The following PRDM5 variants were observed in gnomAD, a reference collection of about 807,000 sequenced individuals.
PRDM5 encodes PR/SET domain 5, also known as PR domain zinc finger protein 5.
Under a neutral mutation model 81.2 loss-of-function variants are expected in PRDM5, and 56 were observed. That is an observed-to-expected ratio of 0.69 (90% confidence interval 0.56 to 0.86). PRDM5 has a LOEUF of 0.86. Ranked by LOEUF, PRDM5 falls within the 40% of genes least tolerant of loss-of-function variation. The pLI is 0.00. For synonymous variants in PRDM5, 267 were observed against 256.4 expected (o/e 1.04, Z -0.39); for missense variants, 697 against 770.1 (o/e 0.91, Z 1.12).
At chr4:120,699,905 C>T (rs542251963) in intron 15 of PRDM5, among the ~76,000 whole-genome samples, 1 of 146,866 alleles carries the variant, frequency 6.8e-6, no homozygotes, top group African/African-American at 2.5e-5. Flanking sequence ...TCATTTTCCA[C>T]AGAACTAGAA....
intron 3 of PRDM5, among the ~76,000 whole-genome samples, chr4:120,827,164 T>C (rs185879133): frequency 3.3e-5 from 5 of 152,114 alleles, no homozygotes; most frequent in African/African-American, 9.6e-5. Context: ...AAGAAGAGAG[T>C]AGAATTTTGC....
At chr4:120,768,429 G>A (rs986341006) in intron 13 of PRDM5, among the ~76,000 whole-genome samples, 2 of 152,052 alleles carry the variant, frequency 1.3e-5, no homozygotes, top group Non-Finnish European at 2.9e-5. Flanking sequence ...TTGAGAGAAC[G>A]TTCCTCTTTC....
At chr4:120,882,305 A>C (rs1241188036) in intron 2 of PRDM5, among the ~76,000 whole-genome samples, 1 of 151,912 alleles carries the variant, frequency 6.6e-6, no homozygotes, top group East Asian at 1.9e-4. Context: ...CTGCCACCAC[A>C]CCCAGCTAAT....
At chr4:120,861,791 C>T (rs1383626764) in intron 2 of PRDM5, among the ~76,000 whole-genome samples, 2 of 149,122 alleles carry the variant, frequency 1.3e-5, no homozygotes, top group East Asian at 2.0e-4. Flanking sequence ...AGCAAGACTC[C>T]GTCTCAAAAA....
At chr4:120,688,251 G>C (rs1733907716), downstream of PRDM5, among the ~76,000 whole-genome samples, 1 of 145,714 alleles carries the variant, frequency 6.9e-6, no homozygotes, top group Non-Finnish European at 1.6e-5. Context: ...ACATGTTTTT[G>C]TATGCTTTTT....
At chr4:120,759,310 T>A (rs762251958) in intron 13 of PRDM5, among the ~76,000 whole-genome samples, 1 of 152,232 alleles carries the variant, frequency 6.6e-6, no homozygotes, top group Non-Finnish European at 1.5e-5. Flanking sequence ...AGCAATTTAT[T>A]TGAAAACTAT....
At chr4:120,900,476 T>G (rs1178035128) in intron 2 of PRDM5, among the ~76,000 whole-genome samples, 1 of 152,174 alleles carries the variant, frequency 6.6e-6, no homozygotes, top group East Asian at 1.9e-4. Context: ...AAAGTAGATA[T>G]TTTATCTTCA....
chr4:120,862,564 A>C lies in PRDM5; in HGVS notation c.178-9024T>G, dbSNP rs1467845411. ...CTCTAGAATAAACCTAGCAGGCCTG[A>C]GACTGCCAAAAAGTCCTGCCTGTAA... On this transcript the variant is annotated intron_variant, in intron 2 of 15. Coordinates refer to ENST00000264808, the MANE Select transcript of PRDM5 (RefSeq NM_018699.4). 3.3e-5 allele frequency among the ~76,000 whole-genome samples: 5 copies of C among 152,296 alleles called. No homozygotes were observed. The East Asian group carries it at 9.7e-4, about 29-fold the overall frequency.
chr4:120,686,251 T>G (rs1211255398), intron 1 of PRDM5, among the ~76,000 whole-genome samples: 1 of 152,084 alleles, frequency 6.6e-6, no homozygotes, highest in African/African-American at 2.4e-5. Context: ...CTCAGGTATT[T>G]ATGACAATGC....
intron 10 of PRDM5, among the ~76,000 whole-genome samples, chr4:120,797,652 A>G (rs1751520823): frequency 6.6e-6 from 1 of 152,220 alleles, no homozygotes; most frequent in Non-Finnish European, 1.5e-5. Context: ...AAGAGAATGA[A>G]AAAACCATTC....
At chr4:120,915,339 A>G (rs1025193176) in intron 1 of PRDM5, among the ~76,000 whole-genome samples, 3 of 152,160 alleles carry the variant, frequency 2.0e-5, no homozygotes, top group African/African-American at 7.2e-5. Context: ...ACAACTTGCT[A>G]AAGGAGGAAT....
In PRDM5 at chr4:120,909,335, C is replaced by T. The variant is rs904611786; in HGVS notation, c.94-1778G>A. ...ACTACAATTTAGCAATGACCTGGGC[C>T]GTGCAATTGCCCAATGTACACACTC... On this transcript the variant is annotated intron_variant, in intron 1 of 15. Transcript: ENST00000264808. 1.1e-3 allele frequency among the ~76,000 whole-genome samples: 164 copies of T among 152,218 alleles called. 1 individual carries two copies. Among genetic ancestry groups the T allele is most frequent in the African/African-American group, 3.9e-3 (161 of 41,518 alleles).
At position 120,858,590 on chromosome 4, in the gene PRDM5, C is replaced by T. The variant is rs188157636; in HGVS notation, c.178-5050G>A. Among the ~76,000 whole-genome samples, 1,060 of 147,406 alleles carry T rather than the reference C, an allele frequency of 7.2e-3. 10 individuals carry two copies. The highest frequency in any genetic ancestry group is 0.028 in the Middle Eastern group (8 of 290). The stretch of plus-strand genomic sequence containing the variant: ...GAACGCGTGCGTGCGCGCGCACGCA[C>T]GCACACACACACACACCATTGTAGC... On this transcript the variant is annotated intron_variant, in intron 2 of 15. Coordinates refer to ENST00000264808, the MANE Select transcript of PRDM5 (RefSeq NM_018699.4).
At chr4:120,861,876 T>G (rs1319239983) in intron 2 of PRDM5, among the ~76,000 whole-genome samples, 2 of 152,140 alleles carry the variant, frequency 1.3e-5, no homozygotes, top group East Asian at 3.9e-4. Flanking sequence ...ATAGAAACAC[T>G]AAATAACAAA....
intron 14 of PRDM5, among the ~76,000 whole-genome samples, chr4:120,729,919 T>G (rs954639378): frequency 7.9e-5 from 12 of 152,218 alleles, no homozygotes; most frequent in Non-Finnish European, 1.5e-5. Flanking sequence ...CTGAGGACCA[T>G]GTACTGAGGG....
chr4:120,918,635 A>ATTTTTTTTTTTTT (rs534148936), intron 1 of PRDM5, among the ~76,000 whole-genome samples: 2 of 110,712 alleles, frequency 1.8e-5, no homozygotes, highest in Non-Finnish European at 3.6e-5. Context: ...TACGTCAGGT[A>ATTTTTTTTTTTTT]TTTTTTTTTT....
chr4:120,822,804 G>T (rs914895772), intron 3 of PRDM5, among the ~76,000 whole-genome samples: 2 of 152,164 alleles, frequency 1.3e-5, no homozygotes, highest in African/African-American at 4.8e-5. Flanking sequence ...TGATTCAAAA[G>T]TTCAAAGCAC....
intron 14 of PRDM5, among the ~76,000 whole-genome samples, chr4:120,734,723 C>CT (rs754320962): frequency 6.6e-6 from 1 of 152,172 alleles, no homozygotes; most frequent in Admixed American, 6.6e-5. Flanking sequence ...GGCTTAGCCA[C>CT]TTTTTTTTCC....
intron 2 of PRDM5, among the ~76,000 whole-genome samples, chr4:120,857,485 C>T (rs1760014985): frequency 6.6e-6 from 1 of 152,154 alleles, no homozygotes; most frequent in African/African-American, 2.4e-5. Context: ...AAATTATTCC[C>T]TTATGGGAAC....
Sources: gnomAD v4.1 joint callset for allele counts (sites outside exome capture counted in the v4.1 genomes callset) on GRCh38, gnomAD v4.1.1 for gene constraint, MANE v1.5 for transcripts, NCBI Gene and HGNC (gene_info 2026-07-23, HGNC 2026-07-21) for gene names.